Variants in MPHOSPH8 observed in about 807,000 individuals in gnomAD.
The protein encoded by MPHOSPH8 is M-phase phosphoprotein 8, also known as M-phase phosphoprotein, mpp.
MPHOSPH8 carries 45 observed loss-of-function variants against 87.3 expected under a neutral mutation model. The observed-to-expected ratio is 0.52, with a 90% CI of 0.41 to 0.66. The LOEUF (loss-of-function observed/expected upper bound fraction) is 0.66. MPHOSPH8 is among the 30% of genes least tolerant of loss of function. The probability of loss-of-function intolerance (pLI) is 0.00; values close to 1 mark genes in which losing one functional copy is unlikely to be tolerated. For missense variants in MPHOSPH8, 883 were observed against 1,020.2 expected (o/e 0.87, Z 1.83); for synonymous variants, 366 against 376.9 (o/e 0.97, Z 0.33).
In MPHOSPH8 at chr13:19,670,310, T is replaced by C. The variant is rs1876053430; in HGVS notation, c.2404T>C (p.Cys802Arg). 6.2e-7 allele frequency: 1 copy of C among 1,614,190 alleles called. No homozygotes were observed. Among genetic ancestry groups the C allele is most frequent in the African/African-American group, 1.3e-5 (1 of 75,076 alleles). The stretch of plus-strand genomic sequence containing the variant: ...AGTTATTGCTCGGCTCTGTGGACCG[T>C]GTAGTGTACAAGCTGTAGTTCTGAA... ...KEVIARLCGP[C>R]SVQAVVLNDK... The change falls in exon 12 of 14, where the codon TGT (cysteine) becomes CGT (arginine). Residue 802 changes from cysteine to arginine, a missense_variant. By Grantham distance (180) the Cys-to-Arg change is radical. Around this residue, in one of 3 missense-constraint regions of MPHOSPH8, gnomAD observed 741 missense variants for 841.5 expected, o/e 0.88. Coordinates refer to ENST00000361479, the MANE Select transcript of MPHOSPH8 (RefSeq NM_017520.4).
Position 19,646,619 on chromosome 13 carries a change from C to T in MPHOSPH8, c.546C>T (p.Ser182=). 9 of 1,585,328 alleles carry T rather than the reference C, an allele frequency of 5.7e-6. No individual in the cohort carries two copies. Among genetic ancestry groups the T allele is most frequent in the Non-Finnish European group, 7.7e-6 (9 of 1,173,416 alleles). The change falls in exon 3 of 14, where the codon TCC becomes TCT. Residue 182 remains serine (S), a synonymous_variant. Transcript: ENST00000361479. ...KAKAGKLKDK[S]KPDLESSLES... is the part of the protein sequence containing the mutation. ...AGGCCGGGAAGCTAAAAGACAAGTC[C>T]AAACCAGACCTGGAGAGCTCCTTGG... is the stretch of plus-strand genomic sequence containing the variant.
chr13:19,641,321 A>T (rs796172681), intron 1 of MPHOSPH8, among the ~76,000 whole-genome samples: 8 of 106,488 alleles, frequency 7.5e-5, no homozygotes, highest in African/African-American at 2.4e-4. Context: ...TGCCCAGCTA[A>T]TTTTTTTTTT....
In MPHOSPH8 at chr13:19,670,217, A is replaced by G; in HGVS notation, c.2330-19A>G. 1 of 1,613,880 alleles carries G rather than the reference A, an allele frequency of 6.2e-7. No individual in the cohort carries two copies. Among genetic ancestry groups the G allele is most frequent in the African/African-American group, 1.3e-5 (1 of 75,014 alleles). On this transcript the variant is annotated intron_variant, in intron 11 of 13. Coordinates refer to ENST00000361479, the MANE Select transcript of MPHOSPH8 (RefSeq NM_017520.4). ...GAAGGTTGCCTTTGAAGTAATTCAC[A>G]CACATCTCCCATTTTCAGGCTCTGG...
intron 1 of MPHOSPH8, among the ~76,000 whole-genome samples, chr13:19,635,758 G>T (rs1235874736): frequency 1.3e-5 from 2 of 152,138 alleles, no homozygotes; most frequent in African/African-American, 4.8e-5. Flanking sequence ...TCTTGTGAAG[G>T]AGTGGTTTAT....
intron 5 of MPHOSPH8, among the ~76,000 whole-genome samples, chr13:19,656,290 A>AAAC (rs1875167036): frequency 1.3e-5 from 2 of 151,014 alleles, no homozygotes; most frequent in South Asian, 4.2e-4. Context: ...AAAAAAAAAA[A>AAAC]AAAAAAAAAA....
rs2137550986 is a variant in MPHOSPH8, at chr13:19,672,788, C to T, written c.*913C>T. 1 of 250,056 alleles carries T rather than the reference C, an allele frequency of 4.0e-6. No homozygotes were observed. The highest frequency in any genetic ancestry group is 5.3e-5 in the South Asian group (1 of 18,740). The allele number at this position is 250,056 out of a possible 1,614,324, so 15.5% of individuals were successfully genotyped here. A position where few individuals can be genotyped will look rare whatever the true frequency, so the allele number is the denominator to read the frequency against. On this transcript the variant is annotated 3_prime_UTR_variant, in exon 14 of 14. Coordinates refer to ENST00000361479, the MANE Select transcript of MPHOSPH8 (RefSeq NM_017520.4). ...GAATGTAAACCAGTACACTATGAGA[C>T]CTAAAAGAGAGTATTAAATGTGAAC... is the stretch of plus-strand genomic sequence containing the variant.
chr13:19,662,629 TG>T (rs1019210774), intron 8 of MPHOSPH8, among the ~76,000 whole-genome samples: 3 of 152,258 alleles, frequency 2.0e-5, no homozygotes, highest in African/African-American at 7.2e-5. Context: ...CATTTCAAAA[TG>T]TGATTTATCT....
Position 19,659,244 on chromosome 13 carries a change from A to G in MPHOSPH8, c.1746A>G (p.Val582=), listed in dbSNP as rs1875374237. 1.2e-6 allele frequency: 2 copies of G among 1,612,594 alleles called. No homozygotes were observed. Among genetic ancestry groups the G allele is most frequent in the African/African-American group, 1.3e-5 (1 of 75,008 alleles). The part of the protein sequence containing the change: ...DAVKNGDYIT[V]KVALNSNEEY... ...TGAAAAATGGGGATTATATTACTGT[A>G]AAAGTTGCACTTAATTCAAATGAAG... Residue 582 remains valine, a synonymous_variant, in exon 7 of 14, where the codon GTA becomes GTG. Coordinates refer to ENST00000361479, the MANE Select transcript of MPHOSPH8 (RefSeq NM_017520.4).
In MPHOSPH8 at chr13:19,633,690, G is replaced by A. The variant is rs562732401; in HGVS notation, c.-59G>A. ...GAGTAGGGCCGAGCGCGGAACGCGAGGGGCTGCTGGGGTGTTTGTCGCAGC... is the reference window on the plus strand; with the variant it reads ...GAGTAGGGCCGAGCGCGGAACGCGAAGGGCTGCTGGGGTGTTTGTCGCAGC... On this transcript the variant is annotated 5_prime_UTR_variant, in exon 1 of 14. Coordinates refer to ENST00000361479, the MANE Select transcript of MPHOSPH8 (RefSeq NM_017520.4). 6.5e-7 allele frequency: 1 copy of A among 1,533,156 alleles called. No individual in the cohort carries two copies. The highest frequency in any genetic ancestry group is 8.8e-7 in the Non-Finnish European group (1 of 1,131,398). The allele number at this position is 1,533,156 out of a possible 1,614,324, so 95.0% of individuals were successfully genotyped here.
intron 10 of MPHOSPH8, among the ~76,000 whole-genome samples, chr13:19,667,274 T>G (rs1875872069): frequency 6.6e-6 from 1 of 152,112 alleles, no homozygotes; most frequent in South Asian, 2.1e-4. Flanking sequence ...AGGGTACAGA[T>G]TTCCAAGCCT....
chr13:19,663,257 G>T, intron 9 of MPHOSPH8, 131 bp downstream of exon 9: 2 of 773,016 alleles, frequency 2.6e-6, no homozygotes, highest in South Asian at 1.7e-5. Context: ...AGAGTCAGCC[G>T]CTTGCAGGGG....
chr13:19,665,139 G>A (rs188145356), intron 9 of MPHOSPH8, among the ~76,000 whole-genome samples: 10 of 152,114 alleles, frequency 6.6e-5, no homozygotes, highest in African/African-American at 1.4e-4. Context: ...TGGGGAGGGC[G>A]TGGCGTTTCT....
Position 19,665,722 on chromosome 13 carries a change from C to T in MPHOSPH8, c.2020-703C>T, listed in dbSNP as rs191548399. ...GTGACGCTGCTGCCCCAGCATCTGC[C>T]TCACAGGGTAGGGAGGCACAGGCAC... is the stretch of plus-strand genomic sequence containing the variant. On this transcript the variant is annotated intron_variant, in intron 9 of 13. Coordinates refer to ENST00000361479, the MANE Select transcript of MPHOSPH8 (RefSeq NM_017520.4). Among the ~76,000 whole-genome samples the T allele has an allele frequency of 1.5e-3, 236 of 152,302 alleles. 1 individual carries two copies. Among genetic ancestry groups the T allele is most frequent in the Non-Finnish European group, 2.3e-3 (155 of 68,024 alleles).
chr13:19,653,901 A>C (rs1284773619), intron 5 of MPHOSPH8, among the ~76,000 whole-genome samples: 10 of 152,184 alleles, frequency 6.6e-5, no homozygotes. Flanking sequence ...AGAAATATGG[A>C]ACTATGTGCA....
In MPHOSPH8 at chr13:19,672,579, C is replaced by T. The variant is rs972727156; in HGVS notation, c.*704C>T. The T allele has an allele frequency of 2.0e-5, 3 of 152,360 alleles. No homozygotes were observed. Among genetic ancestry groups the T allele is most frequent in the Non-Finnish European group, 2.9e-5 (2 of 68,512 alleles). 9.4% of individuals were successfully genotyped at this position (152,360 alleles called of 1,614,324 possible). A position where few individuals can be genotyped will look rare whatever the true frequency, so the allele number is the denominator to read the frequency against. ...GGGAGCCATGTTATATTCAAGTTAC[C>T]CAAGCACCAAATAAAGTGTGGGTTT... On this transcript the variant is annotated 3_prime_UTR_variant, in exon 14 of 14. Transcript: ENST00000361479.
chr13:19,657,917 C>T (rs1166237182), intron 5 of MPHOSPH8, among the ~76,000 whole-genome samples: 1 of 152,250 alleles, frequency 6.6e-6, no homozygotes, highest in Admixed American at 6.5e-5. Flanking sequence ...TGCTGTGTGT[C>T]TCTGAGCAAA....
chr13:19,660,464 AT>A (rs1031275506), intron 7 of MPHOSPH8, among the ~76,000 whole-genome samples: 80 of 151,912 alleles, frequency 5.3e-4, no homozygotes, highest in African/African-American at 1.9e-3. Flanking sequence ...TTAGCTGTGG[AT>A]TTTTTAGGTT....
At chr13:19,663,160 C>G in intron 9 of MPHOSPH8, 34 bp downstream of exon 9, 3 of 1,565,744 alleles carry the variant, frequency 1.9e-6, no homozygotes, top group Non-Finnish European at 2.6e-6. Flanking sequence ...CCTTTCTTCA[C>G]TACGTTGGCA....
chr13:19,669,032 G>T (rs1469508157), intron 11 of MPHOSPH8, among the ~76,000 whole-genome samples: 1 of 152,152 alleles, frequency 6.6e-6, no homozygotes, highest in Non-Finnish European at 1.5e-5. Context: ...GCCGAGGGGA[G>T]GAAGCCGGGC....
Sources: allele counts gnomAD v4.1 joint callset (sites outside exome capture counted in the v4.1 genomes callset), GRCh38; gene constraint gnomAD v4.1.1; regional missense constraint gnomAD v4.1.1; transcripts MANE v1.5; gene names NCBI Gene and HGNC (gene_info 2026-07-23, HGNC 2026-07-21).